ADAMTSL1: variants seen among roughly 807,000 people sequenced by gnomAD.
The protein encoded by ADAMTSL1 is ADAMTS like 1.
A neutral mutation model predicts 201.8 loss-of-function variants in ADAMTSL1; 126 were observed. That is an observed-to-expected ratio of 0.62 (90% CI 0.54 to 0.72). The LOEUF (loss-of-function observed/expected upper bound fraction) is 0.72, where lower values mean the gene tolerates loss of function less well. Ranked by LOEUF, ADAMTSL1 falls within the 30% of genes least tolerant of loss-of-function variation. ADAMTSL1 has a pLI of 0.00. For synonymous variants in ADAMTSL1, 1,121 were observed against 903.4 expected, an observed-to-expected ratio of 1.24 and a Z score of -4.32; for missense variants, 2,679 against 2,277.8, an observed-to-expected ratio of 1.18 and a Z score of -3.59.
At chr9:18,826,977 G>C (rs997322300) in intron 22 of ADAMTSL1, among the ~76,000 whole-genome samples, 2 of 151,958 alleles carry the variant, frequency 1.3e-5, no homozygotes, top group Non-Finnish European at 2.9e-5. Flanking sequence ...CCTGATTAAA[G>C]ACTCTGGCAT....
Position 18,681,974 on chromosome 9 carries a change from G to A in ADAMTSL1, c.1489+15G>A. On this transcript the variant is annotated intron_variant, in intron 12 of 28. Transcript: ENST00000380548. ...TAAACCCAAAGGTAACTTGACAGGT[G>A]CTCTATTACCAGCCTGTTAATTGTT... The A allele has an allele frequency of 6.2e-7, 1 of 1,613,540 alleles. No homozygotes were observed. The highest frequency in any genetic ancestry group is 8.5e-7 in the Non-Finnish European group (1 of 1,179,594).
chr9:18,075,950 T>C (rs1823203104), intron 1 of ADAMTSL1, among the ~76,000 whole-genome samples: 1 of 152,238 alleles, frequency 6.6e-6, no homozygotes, highest in South Asian at 2.1e-4. Flanking sequence ...AGTAGTGTAG[T>C]GTCAACACAA....
At chr9:18,661,201 A>G (rs904785285) in intron 8 of ADAMTSL1, among the ~76,000 whole-genome samples, 1 of 152,186 alleles carries the variant, frequency 6.6e-6, no homozygotes, top group Admixed American at 6.5e-5. Flanking sequence ...ACTTTTTTTA[A>G]GAGAGGCTTC....
chr9:18,169,633 C>T lies in ADAMTSL1; in HGVS notation c.207+5652C>T, dbSNP rs528972946. ...GGCTCTTTTTTAGTTCCATATGAAG[C>T]TTAAAGTAGTTTTTTCCAATTCTGT... On this transcript the variant is annotated intron_variant, in intron 2 of 29. Transcript: ENST00000680146. Among the ~76,000 whole-genome samples, 668 of 152,040 alleles carry T rather than the reference C, an allele frequency of 4.4e-3. 6 individuals are homozygous for T. The highest frequency in any genetic ancestry group is 0.015 in the African/African-American group (631 of 41,518).
chr9:18,742,961 T>G (rs931726654), intron 15 of ADAMTSL1, among the ~76,000 whole-genome samples: 4 of 152,104 alleles, frequency 2.6e-5, no homozygotes, highest in Non-Finnish European at 5.9e-5. Flanking sequence ...AACAAGAAAT[T>G]TATACCTAGA....
chr9:18,032,892 TG>T (rs34867518), intron 1 of ADAMTSL1, among the ~76,000 whole-genome samples: 72,633 of 151,898 alleles, frequency 0.48, 17,487 homozygotes, highest in Non-Finnish European at 0.51. Context: ...TGACTCTGTG[TG>T]GGGCTTCCCA....
At chr9:18,353,639 T>C (rs1836076456) in intron 2 of ADAMTSL1, among the ~76,000 whole-genome samples, 2 of 152,180 alleles carry the variant, frequency 1.3e-5, no homozygotes, top group African/African-American at 4.8e-5. Flanking sequence ...GAATCAATAT[T>C]TTATGGGTTA....
intron 2 of ADAMTSL1, among the ~76,000 whole-genome samples, chr9:18,460,112 T>C (rs1456088245): frequency 2.6e-5 from 4 of 152,182 alleles, no homozygotes; most frequent in African/African-American, 9.7e-5. Context: ...ATTGCAGAAG[T>C]GCATTGTTTT....
chr9:18,370,815 T>A (rs561698860), intron 2 of ADAMTSL1, among the ~76,000 whole-genome samples: 34 of 152,066 alleles, frequency 2.2e-4, no homozygotes, highest in Non-Finnish European at 3.7e-4. Flanking sequence ...GATATTACCC[T>A]TGCTTTTTTT....
intron 2 of ADAMTSL1, among the ~76,000 whole-genome samples, chr9:18,180,255 C>T (rs111852462): frequency 0.083 from 12,636 of 152,184 alleles, 575 homozygotes; most frequent in Middle Eastern, 0.17. Flanking sequence ...ACTTTAAGGC[C>T]GGGCACGGTG....
chr9:18,874,977 T>G (rs1348400826), intron 23 of ADAMTSL1, among the ~76,000 whole-genome samples: 1 of 152,190 alleles, frequency 6.6e-6, no homozygotes, highest in Non-Finnish European at 1.5e-5. Flanking sequence ...TTCTGTTTTT[T>G]CCTGGTTTAA....
At position 18,808,339 on chromosome 9, in the gene ADAMTSL1, T is replaced by A. The variant is rs529817150; in HGVS notation, c.3806-8770T>A. On this transcript the variant is annotated intron_variant, in intron 20 of 28. Transcript: ENST00000380548. The stretch of plus-strand genomic sequence containing the variant: ...GGGTCAATTGATTAAGCAACATTAT[T>A]TTCATTAAAATCTCTATTGATTATA... Among the ~76,000 whole-genome samples the A allele has an allele frequency of 2.0e-5, 3 of 152,196 alleles. No homozygotes were observed. The South Asian group carries it at 6.2e-4, about 32-fold the overall frequency.
At chr9:18,857,730 A>G (rs1377585878) in intron 23 of ADAMTSL1, among the ~76,000 whole-genome samples, 1 of 152,200 alleles carries the variant, frequency 6.6e-6, no homozygotes, top group African/African-American at 2.4e-5. Context: ...CAAATATCTC[A>G]TTCCTCATTG....
At chr9:17,986,810 G>C (rs1818946123) in intron 1 of ADAMTSL1, among the ~76,000 whole-genome samples, 1 of 152,104 alleles carries the variant, frequency 6.6e-6, no homozygotes, top group Admixed American at 6.6e-5. Flanking sequence ...GTCTGGAGTT[G>C]AGACTGTTGA....
At chr9:18,696,336 T>C (rs891453065) in intron 13 of ADAMTSL1, among the ~76,000 whole-genome samples, 1 of 152,122 alleles carries the variant, frequency 6.6e-6, no homozygotes, top group African/African-American at 2.4e-5. Flanking sequence ...CAGGAAAGCA[T>C]TGACCACATT....
At chr9:18,668,686 C>G (rs1022081793) in intron 9 of ADAMTSL1, among the ~76,000 whole-genome samples, 1 of 152,120 alleles carries the variant, frequency 6.6e-6, no homozygotes, top group African/African-American at 2.4e-5. Context: ...AATAAGACAA[C>G]ATATGTAAAG....
At chr9:18,523,170 T>C (rs1293867719) in intron 2 of ADAMTSL1, among the ~76,000 whole-genome samples, 1 of 152,240 alleles carries the variant, frequency 6.6e-6, no homozygotes, top group African/African-American at 2.4e-5. Flanking sequence ...GTGGTTTTGA[T>C]TTGCATTTCT....
intron 1 of ADAMTSL1, among the ~76,000 whole-genome samples, chr9:18,023,968 A>G (rs369392995): frequency 2.2e-4 from 34 of 152,130 alleles, no homozygotes; most frequent in African/African-American, 7.7e-4. Flanking sequence ...CAATTAAAGT[A>G]CTTTTCTTTT....
At chr9:18,079,568 G>C (rs1823387065) in intron 1 of ADAMTSL1, among the ~76,000 whole-genome samples, 1 of 151,970 alleles carries the variant, frequency 6.6e-6, no homozygotes, top group African/African-American at 2.4e-5. Context: ...TGTAGTCCCA[G>C]CTACTTGGGA....
Sources: allele counts gnomAD v4.1 joint callset (sites outside exome capture counted in the v4.1 genomes callset), GRCh38; gene constraint gnomAD v4.1.1; transcripts MANE v1.5; gene names NCBI Gene and HGNC (gene_info 2026-07-23, HGNC 2026-07-21).